Variants in PEX14 observed in about 807,000 individuals in gnomAD.
The protein encoded by PEX14 is peroxisomal membrane protein PEX14.
A neutral mutation model predicts 49.5 loss-of-function variants in PEX14; 15 were observed. The observed-to-expected ratio is 0.30, with a 90% CI of 0.20 to 0.47. PEX14 has a LOEUF of 0.47. PEX14 is among the 20% of genes least tolerant of loss of function. PEX14 has a pLI of 1.00. For synonymous variants in PEX14, 210 were observed against 212.7 expected (o/e 0.99, Z 0.11); for missense variants, 398 against 494.8 (o/e 0.80, Z 1.86).
chr1:10,608,552 C>T (rs1183710193), intron 4 of PEX14, among the ~76,000 whole-genome samples: 1 of 151,942 alleles, frequency 6.6e-6, no homozygotes, highest in Non-Finnish European at 1.5e-5. Context: ...ATCCCAGCTA[C>T]TCAGGAGGCT....
chr1:10,514,154 CTCTG>C lies in PEX14; in HGVS notation c.84+18835_84+18838del, dbSNP rs1249531958. On this transcript the variant is annotated intron_variant, in intron 2 of 8. Transcript: ENST00000356607. The surrounding 1 kb of genome is among the most constrained non-coding windows in gnomAD (Gnocchi z 4.4). ...AAAAAATGTATAAAATAATCTATGC[CTCTG>C]TGTGTGTGTGTGTGTGTGTGTGTGT... Among the ~76,000 whole-genome samples the C allele has an allele frequency of 1.9e-4, 17 of 89,620 alleles. No individual in the cohort carries two copies. In the South Asian group the frequency reaches 2.3e-3, roughly 12 times the overall value. The allele number at this position is 89,620 out of a possible 152,430, so 58.8% of individuals were successfully genotyped here.
chr1:10,533,278 TCAGA>T (rs1056170781), intron 2 of PEX14, among the ~76,000 whole-genome samples: 7 of 152,120 alleles, frequency 4.6e-5, no homozygotes, highest in Admixed American at 4.6e-4. Context: ...GCCTGCATTT[TCAGA>T]CAAAGATCAA....
At chr1:10,523,192 C>T (rs182790226) in intron 2 of PEX14, among the ~76,000 whole-genome samples, 47 of 152,174 alleles carry the variant, frequency 3.1e-4, no homozygotes, top group Admixed American at 1.0e-3. Flanking sequence ...CCTCTCTGTT[C>T]TTATTTGCAG....
At chr1:10,513,945 T>C (rs1641927334) in intron 2 of PEX14, among the ~76,000 whole-genome samples, 1 of 152,234 alleles carries the variant, frequency 6.6e-6, no homozygotes, top group Non-Finnish European at 1.5e-5. Context: ...CACCCCCTGC[T>C]GTGAGTGTTA....
At chr1:10,525,818 G>GT (rs1330101130) in intron 2 of PEX14, among the ~76,000 whole-genome samples, 2 of 151,726 alleles carry the variant, frequency 1.3e-5, no homozygotes, top group East Asian at 1.9e-4. Context: ...TATAGATGGG[G>GT]TTTCACTAAA....
At chr1:10,575,319 TACTA>T (rs1479229402) in intron 3 of PEX14, among the ~76,000 whole-genome samples, 2 of 152,166 alleles carry the variant, frequency 1.3e-5, no homozygotes, top group African/African-American at 4.8e-5. Context: ...TAGTTGAAGA[TACTA>T]ACACACTTTA....
chr1:10,510,750 A>G (rs1641867876), intron 2 of PEX14, among the ~76,000 whole-genome samples: 1 of 152,076 alleles, frequency 6.6e-6, no homozygotes, highest in Non-Finnish European at 1.5e-5. Flanking sequence ...TGCGATGGAG[A>G]TGATGAGCCA....
At chr1:10,627,230 C>G (rs749357114) in intron 7 of PEX14, 42 bp from the exon 8 acceptor site, 3 of 1,446,258 alleles carry the variant, frequency 2.1e-6, no homozygotes, top group Non-Finnish European at 2.9e-6. Flanking sequence ...CCGCCCGTGC[C>G]GCAAGGCGCC....
intron 3 of PEX14, among the ~76,000 whole-genome samples, chr1:10,558,753 A>G (rs548620452): frequency 0.011 from 1,685 of 151,602 alleles, 8 homozygotes; most frequent in Non-Finnish European, 0.017. Context: ...AAAAAAAAAA[A>G]AAAGAAAGAA....
At chr1:10,562,233 C>A (rs1180580992) in intron 3 of PEX14, among the ~76,000 whole-genome samples, 1 of 152,098 alleles carries the variant, frequency 6.6e-6, no homozygotes, top group Admixed American at 6.6e-5. Context: ...TTCTTGTCTT[C>A]TTTTCTCCAC....
chr1:10,508,363 T>C (rs879878849), intron 2 of PEX14, among the ~76,000 whole-genome samples: 1 of 151,890 alleles, frequency 6.6e-6, no homozygotes, highest in African/African-American at 2.4e-5. Flanking sequence ...CCCGCCACCA[T>C]GCCCTGCTAA....
chr1:10,629,525 C>G lies in PEX14; in HGVS notation c.678-6C>G. The G allele has an allele frequency of 1.2e-6, 2 of 1,604,112 alleles. No individual in the cohort carries two copies. Among genetic ancestry groups the G allele is most frequent in the Non-Finnish European group, 1.7e-6 (2 of 1,171,650 alleles). On this transcript the variant is annotated splice_polypyrimidine_tract_variant and splice_region_variant and intron_variant, in intron 8 of 8. Transcript: ENST00000356607. This position sits in a 1 kb window ranked among gnomAD's most constrained non-coding sequence, Gnocchi z 8.5. The stretch of plus-strand genomic sequence containing the variant: ...CACCAACCTCCTCCCCTTCTTCTCC[C>G]TCTAGGAGGCAGTTCCCTCCATCCC...
intron 3 of PEX14, among the ~76,000 whole-genome samples, chr1:10,587,183 G>A (rs955047376): frequency 6.6e-6 from 1 of 152,186 alleles, no homozygotes; most frequent in African/African-American, 2.4e-5. Context: ...GAGGCTGTGT[G>A]TGGTGGCTCA....
intron 3 of PEX14, among the ~76,000 whole-genome samples, chr1:10,545,285 A>G (rs538341259): frequency 1.3e-5 from 2 of 152,336 alleles, no homozygotes; most frequent in East Asian, 3.9e-4. Flanking sequence ...TTAAAAATAA[A>G]GGTGCTGTCA....
rs1322922554 is a variant in PEX14 at position 10,489,028 on chromosome 1, T to A, written c.37-6246T>A. 5.3e-5 allele frequency among the ~76,000 whole-genome samples: 8 copies of A among 152,314 alleles called. No individual in the cohort carries two copies. The South Asian group carries it at 1.0e-3, about 20-fold the overall frequency. The stretch of plus-strand genomic sequence containing the variant: ...TGAGTTTTGCTCTTGTTGCCTAGGC[T>A]GGAGTGCAATGGCGCGATCTCGGCT... On this transcript the variant is annotated intron_variant, in intron 1 of 8. Coordinates refer to ENST00000356607, the MANE Select transcript of PEX14 (RefSeq NM_004565.3).
At chr1:10,543,855 T>G (rs892986956) in intron 3 of PEX14, among the ~76,000 whole-genome samples, 1 of 152,150 alleles carries the variant, frequency 6.6e-6, no homozygotes, top group African/African-American at 2.4e-5. Flanking sequence ...CTGCCTTGCC[T>G]TCCCAAAGCA....
Position 10,606,530 on chromosome 1 carries a change from A to G in PEX14, c.298+7164A>G, listed in dbSNP as rs570649043. 3.5e-5 allele frequency among the ~76,000 whole-genome samples: 5 copies of G among 144,896 alleles called. No individual in the cohort carries two copies. In the East Asian group the frequency reaches 9.8e-4, roughly 28 times the overall value. Reference sequence around the variant, plus strand: ...TCTGATAAATACTGGGTTTAGGATAATGGTTGCCTCTGGGCTGGGGAGGAA... The same window carrying G: ...TCTGATAAATACTGGGTTTAGGATAGTGGTTGCCTCTGGGCTGGGGAGGAA... On this transcript the variant is annotated intron_variant, in intron 4 of 8. Coordinates refer to ENST00000356607, the MANE Select transcript of PEX14 (RefSeq NM_004565.3).
intron 6 of PEX14, among the ~76,000 whole-genome samples, chr1:10,624,027 A>T (rs1235773011): frequency 1.2e-4 from 18 of 152,208 alleles, no homozygotes; most frequent in Non-Finnish European, 1.3e-4. Context: ...TGAAGGACGC[A>T]GGCGCCAGAG....
intron 4 of PEX14, among the ~76,000 whole-genome samples, chr1:10,616,045 G>T (rs950258249): frequency 6.6e-6 from 1 of 152,168 alleles, no homozygotes. Flanking sequence ...TTTTGGGACC[G>T]AGATTCCAGG....
Sources: allele counts gnomAD v4.1 joint callset (sites outside exome capture counted in the v4.1 genomes callset), GRCh38; gene constraint gnomAD v4.1.1; non-coding constraint Gnocchi (gnomAD v3.1); transcripts MANE v1.5; gene names NCBI Gene and HGNC (gene_info 2026-07-23, HGNC 2026-07-21).